SCYL3: variants seen among roughly 807,000 people sequenced by gnomAD.
SCYL3 encodes the protein protein-associating with the carboxyl-terminal domain of ezrin.
SCYL3 carries 35 observed loss-of-function variants against 73.8 expected under a neutral mutation model. The observed-to-expected ratio is 0.47, with a 90% CI of 0.36 to 0.63. The LOEUF (loss-of-function observed/expected upper bound fraction) is 0.63, where lower values mean the gene tolerates loss of function less well. Among genes scored for constraint, SCYL3 ranks in the 20% least tolerant of loss-of-function variants. SCYL3 has a pLI of 0.00. For missense variants in SCYL3, 712 were observed against 798.9 expected, an observed-to-expected ratio of 0.89 and a Z score of 1.31; for synonymous variants, 277 against 295.2, an observed-to-expected ratio of 0.94 and a Z score of 0.63.
chr1:169,861,281 A>G (rs1233433621), intron 10 of SCYL3, among the ~76,000 whole-genome samples: 1 of 152,208 alleles, frequency 6.6e-6, no homozygotes, highest in Non-Finnish European at 1.5e-5. Context: ...AATGACTGTC[A>G]GTTCACAACC....
At chr1:169,865,306 C>G (rs186051330) in intron 8 of SCYL3, among the ~76,000 whole-genome samples, 201 of 152,268 alleles carry the variant, frequency 1.3e-3, no homozygotes, top group African/African-American at 4.6e-3. Context: ...GATATCCTTG[C>G]CTCCTACTTT....
intron 2 of SCYL3, among the ~76,000 whole-genome samples, chr1:169,885,751 A>T (rs1571456367): frequency 1.3e-5 from 2 of 152,212 alleles, no homozygotes; most frequent in African/African-American, 4.8e-5. Context: ...TAGGTAAGTG[A>T]AAATATAGAT....
At chr1:169,870,231 T>G (rs1291168316) in intron 6 of SCYL3, 24 bp downstream of exon 6, 3 of 1,455,018 alleles carry the variant, frequency 2.1e-6, no homozygotes, top group Non-Finnish European at 1.9e-6. Context: ...ATTCTATAGA[T>G]GCAGTAGTAT....
At chr1:169,872,724 C>T (rs184622653) in intron 5 of SCYL3, among the ~76,000 whole-genome samples, 91 of 152,334 alleles carry the variant, frequency 6.0e-4, no homozygotes, top group African/African-American at 1.9e-3. Flanking sequence ...CTTGCATCAG[C>T]GTGACCCGGA....
rs1217306164 is a variant in SCYL3, at chr1:169,866,893, T to C, written c.815+3A>G. The C allele has an allele frequency of 6.7e-7, 1 of 1,485,766 alleles. No individual in the cohort carries two copies. Among genetic ancestry groups the C allele is most frequent in the Non-Finnish European group, 9.3e-7 (1 of 1,071,244 alleles). The allele number at this position is 1,485,766 out of a possible 1,614,324, so 92.0% of individuals were successfully genotyped here. On this transcript the variant is annotated splice_donor_region_variant and intron_variant, in intron 8 of 12. Transcript: ENST00000367771. The stretch of plus-strand genomic sequence containing the variant: ...ATTTAAATTCTTAATTTTCTGAACT[T>C]ACTTAAAGAATTCCGTTTTCTCCTC...
In SCYL3 at chr1:169,862,602, T is replaced by C. The variant is rs768007385; in HGVS notation, c.1140+11A>G. On this transcript the variant is annotated intron_variant, in intron 10 of 12. Transcript: ENST00000367771. ...TTCTGTGACTACCCCACTGCAAACT[T>C]GGCCTCTGACCTGTGGCAAGATGAC... The C allele has an allele frequency of 1.2e-6, 2 of 1,613,736 alleles. No individual in the cohort carries two copies. The highest frequency in any genetic ancestry group is 4.5e-5 in the East Asian group (2 of 44,878).
In SCYL3 at chr1:169,851,840, A is replaced by G; in HGVS notation, c.*1873T>C. 6.2e-7 allele frequency: 1 copy of G among 1,613,994 alleles called. No individual in the cohort carries two copies. On this transcript the variant is annotated 3_prime_UTR_variant, in exon 13 of 13. Transcript: ENST00000367771. ...AGACTGGGTTTGTAGATGAAACTGAAGCTGCCAAAGTGGAACGTGTGAAAC... is the reference window on the plus strand; with the variant it reads ...AGACTGGGTTTGTAGATGAAACTGAGGCTGCCAAAGTGGAACGTGTGAAAC...
Position 169,852,078 on chromosome 1 carries a change from T to C in SCYL3, c.*1635A>G, listed in dbSNP as rs1250360331. On this transcript the variant is annotated 3_prime_UTR_variant, in exon 13 of 13. Transcript: ENST00000367771. ...GATCTAGACATGTAAAATTCTGTTT[T>C]ATGGTAGTTGCTTTTAAAATTAAGA... The C allele has an allele frequency of 1.7e-6, 2 of 1,164,224 alleles. No homozygotes were observed. The highest frequency in any genetic ancestry group is 3.1e-5 in the African/African-American group (2 of 65,152). The allele number at this position is 1,164,224 out of a possible 1,614,324, so 72.1% of individuals were successfully genotyped here.
chr1:169,862,942 T>G (rs2102151998), intron 9 of SCYL3, 145 bp from the exon 10 acceptor site: 2 of 736,418 alleles, frequency 2.7e-6, no homozygotes, highest in Admixed American at 5.5e-5. Context: ...AGATGGAGTC[T>G]CACTCTGTCA....
intron 4 of SCYL3, among the ~76,000 whole-genome samples, chr1:169,874,810 C>T (rs1230912941): frequency 1.3e-5 from 2 of 151,990 alleles, no homozygotes; most frequent in Non-Finnish European, 2.9e-5. Flanking sequence ...ACCTGTGGTC[C>T]CAGCTACTCA....
chr1:169,893,911 G>C (rs1470091998), upstream of SCYL3: 3 of 152,520 alleles, frequency 2.0e-5, no homozygotes, highest in Non-Finnish European at 4.4e-5. Flanking sequence ...ACAATCTTCT[G>C]GGGGCCGGGT....
chr1:169,853,718 A>AGTT lies in SCYL3; in HGVS notation c.2059_2061dup (p.Asn687dup). On this transcript the variant is annotated inframe_insertion, in exon 13 of 13. Transcript: ENST00000367771. ...AGTTTAACTCACATCTATTGTCACC[A>AGTT]GTTATTATCTTCCCAGTTCAGCTCC... is the stretch of plus-strand genomic sequence containing the variant. 6.2e-7 allele frequency: 1 copy of AGTT among 1,613,710 alleles called. No homozygotes were observed. Among genetic ancestry groups the AGTT allele is most frequent in the South Asian group, 1.1e-5 (1 of 91,060 alleles).
At chr1:169,874,922 G>A (rs989080966) in intron 4 of SCYL3, among the ~76,000 whole-genome samples, 7 of 152,092 alleles carry the variant, frequency 4.6e-5, no homozygotes, top group Admixed American at 1.3e-4. Flanking sequence ...GAGAAATTCC[G>A]TTTCCCAGCA....
In SCYL3 at chr1:169,864,374, T is replaced by C. The variant is rs151125762; in HGVS notation, c.950A>G (p.Lys317Arg). The C allele has an allele frequency of 6.8e-6, 11 of 1,613,918 alleles. No individual in the cohort carries two copies. The highest frequency in any genetic ancestry group is 9.3e-6 in the Non-Finnish European group (11 of 1,179,934). Residue 317 changes from lysine to arginine, a missense_variant, in exon 9 of 13, where the codon AAA becomes AGA. Lys to Arg is a conservative substitution (Grantham distance 26, BLOSUM62 2). This residue lies in a region of SCYL3 where 342 missense variants were observed against 448.1 expected (regional missense o/e 0.76). Coordinates refer to ENST00000367771, the MANE Select transcript of SCYL3 (RefSeq NM_020423.7). ...KSFLPYLLGP[K>R]KDHAQGETPC... ...CACTTTGAAAAAGCATTCACCTTTT[T>C]TGGGGCCAAGCAGATAAGGAAGAAA...
intron 3 of SCYL3, among the ~76,000 whole-genome samples, chr1:169,876,780 C>A (rs760088801): frequency 6.6e-6 from 1 of 151,666 alleles, no homozygotes; most frequent in South Asian, 2.1e-4. Flanking sequence ...ACGGTGAAAC[C>A]GCGTCTCTAC....
rs761221805 is a variant in SCYL3, at chr1:169,850,157, TCTTA to T, written c.*3552_*3555del. 1.6e-5 allele frequency: 11 copies of T among 669,118 alleles called. No individual in the cohort carries two copies. The highest frequency in any genetic ancestry group is 2.4e-5 in the Non-Finnish European group (9 of 382,762). 41.4% of individuals were successfully genotyped at this position (669,118 alleles called of 1,614,324 possible). On this transcript the variant is annotated 3_prime_UTR_variant, in exon 13 of 13. Transcript: ENST00000367771. Reference sequence around the variant, plus strand: ...ATCACCTTTGAGGATCCTCTGGGACTCTTACTTAAAATGAATTTTTGGTTAAGGT... The same window carrying T: ...ATCACCTTTGAGGATCCTCTGGGACTCTTAAAATGAATTTTTGGTTAAGGT...
intron 11 of SCYL3, among the ~76,000 whole-genome samples, chr1:169,858,028 C>G (rs1361729582): frequency 6.6e-6 from 1 of 152,082 alleles, no homozygotes; most frequent in African/African-American, 2.4e-5. Context: ...TGAATGAAGG[C>G]CTAGGATATT....
At chr1:169,889,104 C>G (rs775465491) in intron 1 of SCYL3, among the ~76,000 whole-genome samples, 1 of 152,186 alleles carries the variant, frequency 6.6e-6, no homozygotes, top group Non-Finnish European at 1.5e-5. Context: ...ACTAAATAGT[C>G]ACAGGTAGTT....
At position 169,851,759 on chromosome 1, in the gene SCYL3, A is replaced by T. The variant is rs779081890; in HGVS notation, c.*1954T>A. ...AGCACTTAAATTATGTGGCCATTTCATATCTAGTAGAGTGCTAACATGTTG... is the reference window on the plus strand; with the variant it reads ...AGCACTTAAATTATGTGGCCATTTCTTATCTAGTAGAGTGCTAACATGTTG... On this transcript the variant is annotated 3_prime_UTR_variant, in exon 13 of 13. Coordinates refer to ENST00000367771, the MANE Select transcript of SCYL3 (RefSeq NM_020423.7). 5.7e-6 allele frequency: 9 copies of T among 1,569,376 alleles called. No homozygotes were observed. Among genetic ancestry groups the T allele is most frequent in the African/African-American group, 1.4e-5 (1 of 73,296 alleles).
Sources: gnomAD v4.1 joint callset for allele counts (sites outside exome capture counted in the v4.1 genomes callset) on GRCh38, gnomAD v4.1.1 for gene constraint, gnomAD v4.1.1 regional missense constraint, MANE v1.5 for transcripts, NCBI Gene and HGNC (gene_info 2026-07-23, HGNC 2026-07-21) for gene names.